TBC1D14: variants seen among roughly 807,000 people sequenced by gnomAD.
TBC1D14 encodes the protein TBC1 domain family, member 14.
TBC1D14 carries 26 observed loss-of-function variants against 79.0 expected under a neutral mutation model. That is an observed-to-expected ratio of 0.33 (90% CI 0.24 to 0.46). The LOEUF (loss-of-function observed/expected upper bound fraction) is 0.46. Ranked by LOEUF, TBC1D14 falls within the 20% of genes least tolerant of loss-of-function variation. The probability of loss-of-function intolerance (pLI) is 1.00; values close to 1 mark genes in which losing one functional copy is unlikely to be tolerated. For synonymous variants in TBC1D14, 394 were observed against 349.9 expected, an observed-to-expected ratio of 1.13 and a Z score of -1.40; for missense variants, 769 against 887.6, an observed-to-expected ratio of 0.87 and a Z score of 1.70.
chr4:6,967,064 C>G (rs1482455436), intron 2 of TBC1D14, among the ~76,000 whole-genome samples: 1 of 152,208 alleles, frequency 6.6e-6, no homozygotes, highest in Non-Finnish European at 1.5e-5. Flanking sequence ...CCACCTCGGC[C>G]TCCCAAAGTG....
At chr4:6,921,027 GC>G (rs1387447949) in intron 1 of TBC1D14, among the ~76,000 whole-genome samples, 2 of 152,174 alleles carry the variant, frequency 1.3e-5, no homozygotes, top group Admixed American at 1.3e-4. Flanking sequence ...TGATCCACCT[GC>G]TTCGGCCTCC....
At chr4:6,949,969 A>G (rs1713874654) in intron 2 of TBC1D14, among the ~76,000 whole-genome samples, 1 of 152,108 alleles carries the variant, frequency 6.6e-6, no homozygotes, top group Non-Finnish European at 1.5e-5. Flanking sequence ...ATAGGTATAC[A>G]TGTGTTGTGG....
rs375827503 is a variant in TBC1D14 at position 7,014,562 on chromosome 4, G to T, written c.1757+5G>T. On this transcript the variant is annotated splice_donor_5th_base_variant and intron_variant, in intron 12 of 13. Transcript: ENST00000409757. ...AGATATCTACCTAATTGATTGGTAAGACTGGCTTTTCCCTGTGTTTTCAGA... is the reference window on the plus strand; with the variant it reads ...AGATATCTACCTAATTGATTGGTAATACTGGCTTTTCCCTGTGTTTTCAGA... 1 of 1,583,518 alleles carries T rather than the reference G, an allele frequency of 6.3e-7. No homozygotes were observed. The highest frequency in any genetic ancestry group is 1.1e-5 in the South Asian group (1 of 90,348).
At chr4:6,987,145 C>G in intron 3 of TBC1D14, 11 of 1,197,594 alleles carry the variant, frequency 9.2e-6, no homozygotes, top group Non-Finnish European at 1.1e-5. Context: ...CCAGCCAGGC[C>G]TGACGCGCCG....
intron 3 of TBC1D14, among the ~76,000 whole-genome samples, chr4:6,983,782 T>C (rs1326933163): frequency 3.9e-5 from 6 of 152,248 alleles, no homozygotes; most frequent in African/African-American, 1.4e-4. Context: ...TCTATTATCC[T>C]GGTAACAGCT....
intron 1 of TBC1D14, among the ~76,000 whole-genome samples, chr4:6,912,494 G>T (rs1202332874): frequency 2.0e-5 from 3 of 152,168 alleles, no homozygotes; most frequent in African/African-American, 7.2e-5. Flanking sequence ...TGATCTGCTT[G>T]GCTAGTCACT....
At chr4:6,946,260 G>C (rs1021199098) in intron 2 of TBC1D14, among the ~76,000 whole-genome samples, 1 of 152,146 alleles carries the variant, frequency 6.6e-6, no homozygotes, top group African/African-American at 2.4e-5. Flanking sequence ...AATAAGGTTA[G>C]GATTAAATGA....
At chr4:6,962,639 A>AC (rs1715326675) in intron 2 of TBC1D14, among the ~76,000 whole-genome samples, 1 of 151,588 alleles carries the variant, frequency 6.6e-6, no homozygotes, top group Non-Finnish European at 1.5e-5. Flanking sequence ...AATGGCCCTC[A>AC]CCCCCTACTG....
At chr4:6,962,004 T>C (rs537336931) in intron 2 of TBC1D14, among the ~76,000 whole-genome samples, 10 of 152,232 alleles carry the variant, frequency 6.6e-5, no homozygotes, top group Admixed American at 5.2e-4. Flanking sequence ...ACTGCAGAGG[T>C]GTGTCTGAGC....
intron 1 of TBC1D14, among the ~76,000 whole-genome samples, chr4:6,921,909 C>T (rs1723895512): frequency 6.6e-6 from 1 of 152,094 alleles, no homozygotes; most frequent in Non-Finnish European, 1.5e-5. Flanking sequence ...GTTGGCCAGG[C>T]TGCTCACAAA....
At chr4:6,982,968 T>C (rs1038908394) in intron 3 of TBC1D14, among the ~76,000 whole-genome samples, 14 of 152,212 alleles carry the variant, frequency 9.2e-5, no homozygotes, top group African/African-American at 2.9e-4. Flanking sequence ...AGACCTACTT[T>C]CCACTGTATA....
Position 6,924,056 on chromosome 4 carries a change from G to T in TBC1D14, c.667G>T (p.Ala223Ser). 6.2e-7 allele frequency: 1 copy of T among 1,614,046 alleles called. No homozygotes were observed. The highest frequency in any genetic ancestry group is 8.5e-7 in the Non-Finnish European group (1 of 1,180,022). The change falls in exon 2 of 14, where the codon GCT becomes TCT. Residue 223 changes from alanine (A) to serine (S), a missense_variant. By Grantham distance (99) the Ala-to-Ser change is moderately conservative (BLOSUM62 1). Coordinates refer to ENST00000409757, the MANE Select transcript of TBC1D14 (RefSeq NM_020773.3). ...GLHQQDCVHEAEEGSKLKILG... is the reference protein window; with the variant it reads ...GLHQQDCVHESEEGSKLKILG... ...ACACCAGCAGGACTGTGTTCATGAA[G>T]CTGAGGAGGGGAGTAAATTGAAAAT...
At chr4:6,968,721 G>GACTGCCGGGA (rs1481478824) in intron 3 of TBC1D14, among the ~76,000 whole-genome samples, 1 of 152,224 alleles carries the variant, frequency 6.6e-6, no homozygotes, top group African/African-American at 2.4e-5. Flanking sequence ...GGAGGAGGCT[G>GACTGCCGGGA]GCCATGGGGC....
At chr4:6,975,888 T>G (rs1577107652) in intron 3 of TBC1D14, among the ~76,000 whole-genome samples, 2 of 151,340 alleles carry the variant, frequency 1.3e-5, no homozygotes, top group Non-Finnish European at 2.9e-5. Context: ...AGCTCAGGAG[T>G]TCGAGACCAG....
chr4:6,953,813 AC>A (rs1714343524), intron 2 of TBC1D14, among the ~76,000 whole-genome samples: 1 of 152,102 alleles, frequency 6.6e-6, no homozygotes, highest in African/African-American at 2.4e-5. Flanking sequence ...TCAACGGCAG[AC>A]CTGGCCGCTG....
chr4:6,926,407 A>T (rs1724300767), intron 2 of TBC1D14, among the ~76,000 whole-genome samples: 1 of 152,176 alleles, frequency 6.6e-6, no homozygotes, highest in Non-Finnish European at 1.5e-5. Flanking sequence ...ATCGTTGGTT[A>T]TGCAATTTCT....
At chr4:6,922,385 C>T (rs146833013) in intron 1 of TBC1D14, among the ~76,000 whole-genome samples, 1 of 152,302 alleles carries the variant, frequency 6.6e-6, no homozygotes, top group African/African-American at 2.4e-5. Flanking sequence ...TAATCCTAAA[C>T]CAAGCCTTTC....
At chr4:6,949,190 C>T (rs975161192) in intron 2 of TBC1D14, among the ~76,000 whole-genome samples, 6 of 151,962 alleles carry the variant, frequency 3.9e-5, no homozygotes, top group South Asian at 4.2e-4. Context: ...AAAGGCTGGG[C>T]GCAGCGGCTC....
chr4:6,940,632 A>G (rs1221471014), intron 2 of TBC1D14, among the ~76,000 whole-genome samples: 1 of 152,034 alleles, frequency 6.6e-6, no homozygotes, highest in East Asian at 1.9e-4. Context: ...AGGAGCCTAC[A>G]CCCCTCAGAG....
Sources: allele counts gnomAD v4.1 joint callset (sites outside exome capture counted in the v4.1 genomes callset), GRCh38; gene constraint gnomAD v4.1.1; transcripts MANE v1.5; gene names NCBI Gene and HGNC (gene_info 2026-07-23, HGNC 2026-07-21).